ZNF469: variants seen among roughly 807,000 people sequenced by gnomAD.
ZNF469 encodes zinc finger protein 469.
Under a neutral mutation model 1.0 loss-of-function variants are expected in ZNF469, and 1 was observed. That is an observed-to-expected ratio of 1.00 (90% CI 0.35 to 4.73). The LOEUF is 4.73. Ranked by LOEUF, ZNF469 falls within the 30% of genes most tolerant of loss-of-function variation. ZNF469 has a pLI of 0.16. For missense variants in ZNF469, 6,100 were observed against 5,356.3 expected (o/e 1.14, Z -4.33); for synonymous variants, 2,703 against 2,363.4 (o/e 1.14, Z -4.17).
the ZNF469 span, among the ~76,000 whole-genome samples, chr16:88,365,697 C>A: frequency 6.6e-6 from 1 of 152,200 alleles, no homozygotes; most frequent in East Asian, 1.9e-4. Context: ...CGGGTCCACT[C>A]CATGGTGCTG....
the ZNF469 span, among the ~76,000 whole-genome samples, chr16:88,328,951 G>C: frequency 1.3e-5 from 2 of 152,168 alleles, no homozygotes; most frequent in Non-Finnish European, 2.9e-5. Context: ...CAGCAAGAAG[G>C]GTCAGGGCCC....
chr16:88,222,613 T>G, the ZNF469 span, among the ~76,000 whole-genome samples: 2 of 151,992 alleles, frequency 1.3e-5, no homozygotes, highest in African/African-American at 4.8e-5. Context: ...CAAAATTAGC[T>G]GGGCATGGTG....
chr16:88,196,475 A>C, the ZNF469 span, among the ~76,000 whole-genome samples: 7 of 152,364 alleles, frequency 4.6e-5, no homozygotes, highest in Non-Finnish European at 7.3e-5. Context: ...TCCAACGTTC[A>C]GAATGAACTC....
the ZNF469 span, among the ~76,000 whole-genome samples, chr16:88,145,870 G>A: frequency 6.6e-6 from 1 of 152,240 alleles, no homozygotes; most frequent in African/African-American, 2.4e-5. Context: ...GCAGATGTGG[G>A]GTGATGAGTG....
chr16:88,285,953 A>G, the ZNF469 span, among the ~76,000 whole-genome samples: 18,578 of 152,138 alleles, frequency 0.12, 3,702 homozygotes, highest in African/African-American at 0.42. Flanking sequence ...AAGGCCGCTC[A>G]CTCTGGCATT....
chr16:88,406,300 GT>G (rs754125359), intron 1 of ZNF469, among the ~76,000 whole-genome samples: 2 of 152,232 alleles, frequency 1.3e-5, no homozygotes, highest in Non-Finnish European at 2.9e-5. Flanking sequence ...ACATGTGTGT[GT>G]TCCAGGGCAG....
chr16:88,351,612 T>A, the ZNF469 span, among the ~76,000 whole-genome samples: 1 of 152,108 alleles, frequency 6.6e-6, no homozygotes, highest in South Asian at 2.1e-4. Flanking sequence ...GACGCTCCAA[T>A]GACACTGACC....
At chr16:88,152,515 C>A in the ZNF469 span, among the ~76,000 whole-genome samples, 1 of 152,138 alleles carries the variant, frequency 6.6e-6, no homozygotes. This position sits in a 1 kb window ranked among gnomAD's most constrained non-coding sequence, Gnocchi z 4.2. Flanking sequence ...GCGCTGGATG[C>A]CTCTCTGTGG....
In ZNF469 at chr16:88,435,057, A is replaced by C. The variant is rs1906473384; in HGVS notation, c.7587A>C (p.Lys2529Asn). The stretch of plus-strand genomic sequence containing the variant: ...AAAAGTGCCAGCCGCCCAGGAAGAA[A>C]AGCCACAGGGTGTCTGGGAAGGAGA... Reference protein sequence around the residue: ...LAQKCQPPRKKSHRVSGKERP... With the variant: ...LAQKCQPPRKNSHRVSGKERP... The change falls in exon 3 of 3, where the codon AAA (lysine) becomes AAC (asparagine). Residue 2529 changes from lysine (K) to asparagine (N), a missense_variant. By Grantham distance (94) the Lys-to-Asn change is moderately conservative. Coordinates refer to ENST00000565624, the MANE Select transcript of ZNF469 (RefSeq NM_001367624.2). 2.6e-6 allele frequency: 4 copies of C among 1,550,260 alleles called. No individual in the cohort carries two copies. The highest frequency in any genetic ancestry group is 1.4e-5 in the African/African-American group (1 of 73,048).
the ZNF469 span, among the ~76,000 whole-genome samples, chr16:88,163,149 G>C: frequency 8.2e-6 from 1 of 122,006 alleles, no homozygotes; most frequent in Admixed American, 8.5e-5. Flanking sequence ...TGGGTAGATA[G>C]GTGGGCAGTT....
At chr16:88,335,408 A>G in the ZNF469 span, among the ~76,000 whole-genome samples, 1 of 152,236 alleles carries the variant, frequency 6.6e-6, no homozygotes, top group Non-Finnish European at 1.5e-5. Flanking sequence ...GGGCTGGTCA[A>G]AAACTTCCAG....
the ZNF469 span, among the ~76,000 whole-genome samples, chr16:88,234,216 G>T: frequency 6.6e-6 from 1 of 152,210 alleles, no homozygotes; most frequent in Non-Finnish European, 1.5e-5. Flanking sequence ...CGTTTTTCTA[G>T]TAAGGCCCCC....
At chr16:88,380,130 C>T (rs1332196034), upstream of ZNF469, among the ~76,000 whole-genome samples, 3 of 110,760 alleles carry the variant, frequency 2.7e-5, no homozygotes, top group Admixed American at 1.6e-4. Context: ...CAAACACACA[C>T]ACAGACACAC....
chr16:88,123,576 C>G, the ZNF469 span, among the ~76,000 whole-genome samples: 1 of 152,066 alleles, frequency 6.6e-6, no homozygotes, highest in African/African-American at 2.4e-5. Context: ...GGGTGAGGGC[C>G]TAGGAGGATA....
intron 1 of ZNF469, among the ~76,000 whole-genome samples, chr16:88,407,117 C>A (rs1014433089): frequency 5.3e-5 from 6 of 112,378 alleles, no homozygotes; most frequent in Non-Finnish European, 1.2e-4. Flanking sequence ...CCCTCTGCGG[C>A]CCCAGGACTG....
the ZNF469 span, among the ~76,000 whole-genome samples, chr16:88,290,673 C>T: frequency 3.9e-5 from 6 of 152,346 alleles, no homozygotes; most frequent in African/African-American, 1.4e-4. Context: ...CCCCACCACC[C>T]CCCAACCTCA....
chr16:88,301,677 T>G, the ZNF469 span, among the ~76,000 whole-genome samples: 3 of 152,344 alleles, frequency 2.0e-5, no homozygotes, highest in Middle Eastern at 3.4e-3. Flanking sequence ...GGTCATGAGA[T>G]GCCGTCCCTG....
At chr16:88,325,313 G>T in the ZNF469 span, among the ~76,000 whole-genome samples, 25 of 152,320 alleles carry the variant, frequency 1.6e-4, no homozygotes, top group African/African-American at 5.3e-4. Flanking sequence ...GGCCGCAGGG[G>T]CTCAGACCCA....
the ZNF469 span, among the ~76,000 whole-genome samples, chr16:88,329,351 G>A: frequency 2.6e-5 from 4 of 152,350 alleles, no homozygotes; most frequent in South Asian, 2.1e-4. Context: ...ACAGCTAGCC[G>A]ATAAGGGAGG....
Sources: allele counts gnomAD v4.1 joint callset (sites outside exome capture counted in the v4.1 genomes callset), GRCh38; gene constraint gnomAD v4.1.1; non-coding constraint Gnocchi (gnomAD v3.1); transcripts MANE v1.5; gene names NCBI Gene and HGNC (gene_info 2026-07-23, HGNC 2026-07-21).